KCNIP4: variants seen among roughly 807,000 people sequenced by gnomAD.
KCNIP4 encodes Kv channel-interacting protein 4.
Under a neutral mutation model 34.0 loss-of-function variants are expected in KCNIP4, and 12 were observed. That is an observed-to-expected ratio of 0.35 (90% CI 0.23 to 0.57). The LOEUF is 0.57. KCNIP4 is among the 20% of genes least tolerant of loss of function. The pLI is 0.83. For synonymous variants in KCNIP4, 124 were observed against 102.2 expected, an observed-to-expected ratio of 1.21 and a Z score of -1.29; for missense variants, 238 against 311.7, an observed-to-expected ratio of 0.76 and a Z score of 1.78.
intron 1 of KCNIP4, among the ~76,000 whole-genome samples, chr4:21,194,290 A>C (rs1294663928): frequency 6.6e-6 from 1 of 152,128 alleles, no homozygotes; most frequent in East Asian, 1.9e-4. Context: ...GGGTCCTCTC[A>C]CATTTTTGTT....
At chr4:21,426,557 T>G (rs1205535902) in intron 1 of KCNIP4, among the ~76,000 whole-genome samples, 2 of 152,188 alleles carry the variant, frequency 1.3e-5, no homozygotes, top group Non-Finnish European at 1.5e-5. Flanking sequence ...TTTTTTATTC[T>G]TTGAAAAAGC....
intron 1 of KCNIP4, among the ~76,000 whole-genome samples, chr4:21,029,655 G>C (rs1377929175): frequency 2.6e-5 from 4 of 152,158 alleles, no homozygotes; most frequent in Non-Finnish European, 4.4e-5. Flanking sequence ...TGCACTACCT[G>C]CCATCTGGGC....
At chr4:21,341,693 G>T (rs565447576) in intron 1 of KCNIP4, among the ~76,000 whole-genome samples, 11 of 152,152 alleles carry the variant, frequency 7.2e-5, no homozygotes, top group East Asian at 3.9e-4. Context: ...TGCACCTTTT[G>T]CTTCTTTCTT....
At chr4:21,518,288 G>C (rs907102893) in intron 1 of KCNIP4, among the ~76,000 whole-genome samples, 1 of 152,134 alleles carries the variant, frequency 6.6e-6, no homozygotes, top group African/African-American at 2.4e-5. Flanking sequence ...CATCACCCTG[G>C]GGAGTTAGTT....
chr4:21,047,840 A>G (rs1742571004), intron 1 of KCNIP4, among the ~76,000 whole-genome samples: 1 of 152,196 alleles, frequency 6.6e-6, no homozygotes, highest in African/African-American at 2.4e-5. Flanking sequence ...TCCATTAATT[A>G]ATTCAAATCT....
At chr4:21,528,735 GAAA>G (rs1736272211) in intron 1 of KCNIP4, among the ~76,000 whole-genome samples, 261 of 4,326 alleles carry the variant, frequency 0.06, 28 homozygotes, top group East Asian at 0.13. Flanking sequence ...AAGAAAGAAA[GAAA>G]GAAAGAAAGA....
rs763961755 is a variant in KCNIP4 at position 20,850,633 on chromosome 4, G to T, written c.198C>A (p.Val66=). 1 of 1,612,500 alleles carries T rather than the reference G, an allele frequency of 6.2e-7. No homozygotes were observed. The highest frequency in any genetic ancestry group is 1.1e-5 in the South Asian group (1 of 91,012). Residue 66 remains valine, a synonymous_variant, in exon 3 of 9, where the codon GTC becomes GTA. Transcript: ENST00000382152. The part of the protein sequence containing the change: ...SVEDELEMAT[V]RHRPEALELL... ...GCTCAAGGGCTTCAGGCCGATGCCT[G>T]ACGGTGGCCATCTCCAGTTCATCTT...
intron 1 of KCNIP4, among the ~76,000 whole-genome samples, chr4:21,608,080 A>C (rs2109138496): frequency 6.6e-6 from 1 of 151,430 alleles, no homozygotes; most frequent in Middle Eastern, 3.4e-3. Flanking sequence ...TAAAGGCTTT[A>C]TTGTTTTGTT....
chr4:21,681,241 C>T (rs1040305881), intron 1 of KCNIP4, among the ~76,000 whole-genome samples: 3 of 151,802 alleles, frequency 2.0e-5, no homozygotes, highest in Non-Finnish European at 4.4e-5. Context: ...GCTGGGACAA[C>T]GTGCGTGCAC....
chr4:21,267,332 G>A (rs919213995), intron 1 of KCNIP4, among the ~76,000 whole-genome samples: 1 of 150,894 alleles, frequency 6.6e-6, no homozygotes, highest in Admixed American at 6.6e-5. Context: ...ACTAACCTCG[G>A]GTCCTGCATG....
At chr4:21,788,489 C>T (rs368294617) in intron 1 of KCNIP4, among the ~76,000 whole-genome samples, 26 of 152,316 alleles carry the variant, frequency 1.7e-4, no homozygotes, top group East Asian at 1.4e-3. Context: ...ACCTCATCTA[C>T]AGCCTGGCTT....
At chr4:21,673,105 T>C (rs991310997) in intron 1 of KCNIP4, among the ~76,000 whole-genome samples, 6 of 152,218 alleles carry the variant, frequency 3.9e-5, no homozygotes, top group African/African-American at 1.4e-4. Context: ...CCTGGTGTGA[T>C]ATGGGAGGAG....
chr4:20,838,147 T>C (rs1460581271), intron 3 of KCNIP4, among the ~76,000 whole-genome samples: 1 of 152,152 alleles, frequency 6.6e-6, no homozygotes, highest in African/African-American at 2.4e-5. Flanking sequence ...TTAACAAGCC[T>C]CTTTGGATGA....
At chr4:21,591,321 T>A (rs768169721) in intron 1 of KCNIP4, among the ~76,000 whole-genome samples, 8 of 151,922 alleles carry the variant, frequency 5.3e-5, no homozygotes, top group Non-Finnish European at 1.0e-4. Context: ...TAAAGAAAAA[T>A]TGTGAAATAT....
chr4:21,749,224 G>A (rs1046111461), intron 1 of KCNIP4, among the ~76,000 whole-genome samples: 1 of 152,132 alleles, frequency 6.6e-6, no homozygotes, highest in Non-Finnish European at 1.5e-5. Flanking sequence ...TATTAGAGCA[G>A]AAGGCAAGTC....
At chr4:20,886,177 C>T (rs771727708) in intron 1 of KCNIP4, among the ~76,000 whole-genome samples, 4 of 152,208 alleles carry the variant, frequency 2.6e-5, no homozygotes, top group Non-Finnish European at 5.9e-5. Context: ...GGACAAGCTA[C>T]ATGAGGGAAC....
At chr4:20,988,129 A>G (rs1478654025) in intron 1 of KCNIP4, among the ~76,000 whole-genome samples, 1 of 152,038 alleles carries the variant, frequency 6.6e-6, no homozygotes, top group Non-Finnish European at 1.5e-5. Context: ...GAAGCCTCAT[A>G]TATGGCACTT....
chr4:21,432,885 G>A (rs1726616575), intron 1 of KCNIP4, among the ~76,000 whole-genome samples: 1 of 151,842 alleles, frequency 6.6e-6, no homozygotes, highest in South Asian at 2.1e-4. Flanking sequence ...TTTTTTAGTA[G>A]TGCCATCGTC....
At chr4:21,237,697 G>A (rs1759471463) in intron 1 of KCNIP4, among the ~76,000 whole-genome samples, 1 of 152,128 alleles carries the variant, frequency 6.6e-6, no homozygotes, top group African/African-American at 2.4e-5. Context: ...TTGAATCTCT[G>A]AATAGACCAA....
Sources: allele counts gnomAD v4.1 joint callset (sites outside exome capture counted in the v4.1 genomes callset), GRCh38; gene constraint gnomAD v4.1.1; transcripts MANE v1.5; gene names NCBI Gene and HGNC (gene_info 2026-07-23, HGNC 2026-07-21).